PRKG1: variants seen among roughly 807,000 people sequenced by gnomAD.
PRKG1 encodes the protein protein kinase cGMP-dependent 1, also known as cGMP-dependent protein kinase 1.
In PRKG1, 35 loss-of-function variants were observed where a neutral mutation model predicts 88.1. That is an observed-to-expected ratio of 0.40 (90% CI 0.30 to 0.53). The LOEUF (loss-of-function observed/expected upper bound fraction) is 0.53, where lower values mean the gene tolerates loss of function less well. Ranked by LOEUF, PRKG1 falls within the 20% of genes least tolerant of loss-of-function variation. PRKG1 has a pLI of 0.59. For synonymous variants in PRKG1, 303 were observed against 292.5 expected (o/e 1.04, Z -0.37); for missense variants, 540 against 839.8 (o/e 0.64, Z 4.41).
intron 8 of PRKG1, among the ~76,000 whole-genome samples, chr10:52,157,553 G>A (rs1188136374): frequency 6.6e-6 from 1 of 150,992 alleles, no homozygotes; most frequent in Non-Finnish European, 1.5e-5. Flanking sequence ...TCAGAAGAAT[G>A]TTTTGCCTTA....
chr10:52,196,243 C>T (rs943812928), intron 9 of PRKG1, among the ~76,000 whole-genome samples: 1 of 152,100 alleles, frequency 6.6e-6, no homozygotes, highest in African/African-American at 2.4e-5. Flanking sequence ...GTCTCGATCT[C>T]CTGACCTCAT....
intron 8 of PRKG1, among the ~76,000 whole-genome samples, chr10:52,151,965 A>G (rs1047082692): frequency 3.3e-5 from 5 of 152,190 alleles, no homozygotes; most frequent in East Asian, 1.9e-4. Context: ...ATATAATTCA[A>G]TGTTAAATTG....
chr10:51,065,487 A>G (rs1843738776), intron 1 of PRKG1, among the ~76,000 whole-genome samples: 1 of 151,828 alleles, frequency 6.6e-6, no homozygotes, highest in South Asian at 2.1e-4. Flanking sequence ...ATAGGGATGT[A>G]TTTTTTTTCC....
At chr10:51,544,026 G>A (rs1481969019) in intron 3 of PRKG1, among the ~76,000 whole-genome samples, 1 of 152,068 alleles carries the variant, frequency 6.6e-6, no homozygotes, top group Non-Finnish European at 1.5e-5. Flanking sequence ...GGAAACATCT[G>A]TAAAATACAT....
chr10:51,665,233 A>T (rs1334619386), intron 3 of PRKG1, among the ~76,000 whole-genome samples: 3 of 152,202 alleles, frequency 2.0e-5, no homozygotes, highest in Admixed American at 1.3e-4. Context: ...TAAAGCAAAC[A>T]TTATAAAGAA....
rs143996609 is a variant in PRKG1 at position 51,258,731 on chromosome 10, T to G, written c.478+105401T>G. 2.5e-3 allele frequency among the ~76,000 whole-genome samples: 374 copies of G among 152,374 alleles called. 2 individuals carry two copies. Among genetic ancestry groups the G allele is most frequent in the Non-Finnish European group, 2.6e-3 (174 of 68,042 alleles). On this transcript the variant is annotated intron_variant, in intron 2 of 17. Coordinates refer to ENST00000373980, the MANE Select transcript of PRKG1 (RefSeq NM_006258.4). Reference sequence around the variant, plus strand: ...AGGACCATTACTGGCATATAGTAAGTGCTCAACAAATATATGTGGTTATTA... The same window carrying G: ...AGGACCATTACTGGCATATAGTAAGGGCTCAACAAATATATGTGGTTATTA...
At chr10:52,266,470 G>C (rs1416133553) in intron 10 of PRKG1, among the ~76,000 whole-genome samples, 1 of 151,842 alleles carries the variant, frequency 6.6e-6, no homozygotes, top group Non-Finnish European at 1.5e-5. Flanking sequence ...AACATGCGCT[G>C]TTTGGTTTTC....
At chr10:51,198,532 A>C (rs770201542) in intron 2 of PRKG1, among the ~76,000 whole-genome samples, 3 of 152,256 alleles carry the variant, frequency 2.0e-5, no homozygotes, top group Admixed American at 1.3e-4. Flanking sequence ...TCTAGATCTT[A>C]AAAACAGTGT....
At chr10:51,204,367 C>CGT (rs34624885) in intron 2 of PRKG1, among the ~76,000 whole-genome samples, 3,991 of 145,888 alleles carry the variant, frequency 0.027, 48 homozygotes, top group South Asian at 0.061. Flanking sequence ...AGTAGACCTC[C>CGT]GTGTGTGTGT....
intron 3 of PRKG1, among the ~76,000 whole-genome samples, chr10:51,630,544 A>G (rs574159406): frequency 3.3e-5 from 5 of 152,182 alleles, no homozygotes; most frequent in Admixed American, 6.5e-5. Flanking sequence ...GTTGGCAACA[A>G]AAGTGCACAT....
intron 3 of PRKG1, among the ~76,000 whole-genome samples, chr10:51,707,248 T>C (rs1841629607): frequency 6.6e-6 from 1 of 152,196 alleles, no homozygotes; most frequent in African/African-American, 2.4e-5. Flanking sequence ...GAATTCCACT[T>C]GTCCATTTTT....
At chr10:51,993,905 G>A (rs1238755090) in intron 5 of PRKG1, among the ~76,000 whole-genome samples, 1 of 152,110 alleles carries the variant, frequency 6.6e-6, no homozygotes, top group African/African-American at 2.4e-5. Flanking sequence ...CCTTTCCTAG[G>A]GCTTTCTTTA....
In PRKG1 at chr10:50,991,297, C is replaced by T. The variant is rs540346165; in HGVS notation, c.-82C>T. The T allele has an allele frequency of 2.1e-6, 3 of 1,455,038 alleles. No individual in the cohort carries two copies. Among genetic ancestry groups the T allele is most frequent in the East Asian group, 2.8e-5 (1 of 35,482 alleles). The allele number at this position is 1,455,038 out of a possible 1,614,324, so 90.1% of individuals were successfully genotyped here. Reference sequence around the variant, plus strand: ...CTCGCTCACCCGCGCTCTCCGCTGCCGGCTGCCGTCCCAGCCGCCGCCGCC... The same window carrying T: ...CTCGCTCACCCGCGCTCTCCGCTGCTGGCTGCCGTCCCAGCCGCCGCCGCC... On this transcript the variant is annotated 5_prime_UTR_variant, in exon 1 of 18. Transcript: ENST00000401604. The surrounding 1 kb of genome is among the most constrained non-coding windows in gnomAD (Gnocchi z 4.5).
intron 4 of PRKG1, among the ~76,000 whole-genome samples, chr10:51,877,925 T>A (rs1243930235): frequency 3.3e-5 from 5 of 152,192 alleles, no homozygotes; most frequent in Non-Finnish European, 7.3e-5. Context: ...GAAAGTAAGA[T>A]GAAATTTCAG....
intron 1 of PRKG1, among the ~76,000 whole-genome samples, chr10:51,078,998 A>C (rs187220556): frequency 6.6e-6 from 1 of 152,328 alleles, no homozygotes; most frequent in Admixed American, 6.5e-5. Context: ...AAGAAAAACA[A>C]AATGTTCCTA....
At chr10:51,481,172 A>C (rs1840344555) in intron 3 of PRKG1, among the ~76,000 whole-genome samples, 1 of 151,566 alleles carries the variant, frequency 6.6e-6, no homozygotes, top group South Asian at 2.1e-4. Context: ...TTTACTCTTC[A>C]GTCTCTCCCT....
chr10:51,109,252 C>A (rs923949309), intron 1 of PRKG1, among the ~76,000 whole-genome samples: 2 of 151,818 alleles, frequency 1.3e-5, no homozygotes, highest in Non-Finnish European at 2.9e-5. Context: ...CATGGAAATG[C>A]AAAGGACTTC....
intron 2 of PRKG1, among the ~76,000 whole-genome samples, chr10:51,389,983 G>T (rs968703399): frequency 2.6e-5 from 4 of 152,194 alleles, no homozygotes; most frequent in Admixed American, 1.3e-4. Context: ...CTGGCCATAT[G>T]CAAAATCTGG....
At chr10:51,523,452 T>C (rs1039216807) in intron 3 of PRKG1, among the ~76,000 whole-genome samples, 10 of 152,210 alleles carry the variant, frequency 6.6e-5, no homozygotes, top group African/African-American at 2.4e-4. Context: ...GTTGACAAAG[T>C]CTACAAACAT....
Sources: gnomAD v4.1 joint callset for allele counts (sites outside exome capture counted in the v4.1 genomes callset) on GRCh38, gnomAD v4.1.1 for gene constraint, Gnocchi (gnomAD v3.1) non-coding constraint, MANE v1.5 for transcripts, NCBI Gene and HGNC (gene_info 2026-07-23, HGNC 2026-07-21) for gene names.